Variants in CDH18 observed in about 807,000 individuals in gnomAD.
CDH18 encodes the protein cadherin 18, also known as cadherin-18.
CDH18 carries 31 observed loss-of-function variants against 67.9 expected under a neutral mutation model. The ratio of observed to expected loss-of-function variants is 0.46; its 90% CI spans 0.34 to 0.62. The LOEUF (loss-of-function observed/expected upper bound fraction) is 0.62, where lower values mean the gene tolerates loss of function less well. Ranked by LOEUF, CDH18 falls within the 20% of genes least tolerant of loss-of-function variation. CDH18 has a pLI of 0.01. For synonymous variants in CDH18, 362 were observed against 347.2 expected (o/e 1.04, Z -0.48); for missense variants, 890 against 975.5 (o/e 0.91, Z 1.17).
At chr5:20,368,734 A>G (rs559539562) in intron 1 of CDH18, among the ~76,000 whole-genome samples, 66 of 152,278 alleles carry the variant, frequency 4.3e-4, no homozygotes, top group South Asian at 1.2e-3. Flanking sequence ...CTGGCATTAG[A>G]GCACACAAAG....
intron 2 of CDH18, among the ~76,000 whole-genome samples, chr5:20,093,999 G>A (rs187504797): frequency 1.4e-4 from 22 of 152,238 alleles, no homozygotes; most frequent in Non-Finnish European, 2.1e-4. Context: ...AGAAACCACC[G>A]AAAGGCAGAC....
chr5:19,919,629 G>A (rs1258432212), intron 2 of CDH18, among the ~76,000 whole-genome samples: 1 of 152,152 alleles, frequency 6.6e-6, no homozygotes, highest in Non-Finnish European at 1.5e-5. Flanking sequence ...TATAAGGGTA[G>A]TAGATATGGA....
chr5:20,541,163 A>C (rs1216893462), intron 1 of CDH18, among the ~76,000 whole-genome samples: 3 of 152,208 alleles, frequency 2.0e-5, no homozygotes, highest in African/African-American at 7.2e-5. Context: ...ATTTATGGGG[A>C]AGATTTCAAC....
intron 2 of CDH18, among the ~76,000 whole-genome samples, chr5:19,995,082 T>C (rs1735896743): frequency 6.6e-6 from 1 of 151,460 alleles, no homozygotes; most frequent in South Asian, 2.1e-4. Context: ...TCTTCCTTTT[T>C]ATTCTACTCA....
rs544849157 is a variant in CDH18, at chr5:20,200,910, T to G, written c.-518+54534A>C. 2.0e-5 allele frequency among the ~76,000 whole-genome samples: 3 copies of G among 152,236 alleles called. No individual in the cohort carries two copies. In the South Asian group the frequency reaches 6.2e-4, roughly 32 times the overall value. On this transcript the variant is annotated intron_variant, in intron 2 of 14. Coordinates refer to the CDH18 transcript ENST00000507958. Reference sequence around the variant, plus strand: ...AATGGTTACAAGGGCCTTATTCAACTAAAAAATCACTCCTTTTTCATAATT... The same window carrying G: ...AATGGTTACAAGGGCCTTATTCAACGAAAAAATCACTCCTTTTTCATAATT...
intron 1 of CDH18, among the ~76,000 whole-genome samples, chr5:20,540,097 C>T (rs893605662): frequency 2.0e-5 from 3 of 152,062 alleles, no homozygotes; most frequent in African/African-American, 7.2e-5. Context: ...TTTGTTGTCT[C>T]AATTGTTTTG....
intron 8 of CDH18, among the ~76,000 whole-genome samples, chr5:19,555,518 T>G (rs1479833941): frequency 6.6e-6 from 1 of 152,126 alleles, no homozygotes; most frequent in Non-Finnish European, 1.5e-5. Flanking sequence ...CCCACTTCCC[T>G]GGTGAGCTAT....
chr5:19,830,941 A>G lies in CDH18; in HGVS notation c.228+7818T>C, dbSNP rs188574719. On this transcript the variant is annotated intron_variant, in intron 3 of 12. Coordinates refer to ENST00000382275, the MANE Select transcript of CDH18 (RefSeq NM_004934.5). The stretch of plus-strand genomic sequence containing the variant: ...GACACAAACTAACGCAGGAAGAGAA[A>G]ACCACATACTTCATGTTCTCATTTA... Among the ~76,000 whole-genome samples, 222 of 152,198 alleles carry G rather than the reference A, an allele frequency of 1.5e-3. 2 individuals are homozygous for G. The highest frequency in any genetic ancestry group is 4.8e-3 in the African/African-American group (198 of 41,530).
At chr5:20,101,260 C>A (rs912177151) in intron 2 of CDH18, among the ~76,000 whole-genome samples, 4 of 152,080 alleles carry the variant, frequency 2.6e-5, no homozygotes, top group Non-Finnish European at 5.9e-5. Context: ...CCACGCCTGG[C>A]CAAATCTAAG....
chr5:20,271,101 T>A (rs532519419), intron 1 of CDH18, among the ~76,000 whole-genome samples: 31 of 152,092 alleles, frequency 2.0e-4, no homozygotes, highest in African/African-American at 6.0e-4. Flanking sequence ...TTTGCCTATA[T>A]GACAAGCCTG....
intron 1 of CDH18, among the ~76,000 whole-genome samples, chr5:20,490,511 T>A (rs568491364): frequency 6.6e-6 from 1 of 152,182 alleles, no homozygotes; most frequent in Admixed American, 6.6e-5. Flanking sequence ...GTGATCAAAT[T>A]ATGAAGATAA....
At position 19,593,696 on chromosome 5, in the gene CDH18, T is replaced by TTCCTCCTCCTCCTCC. The variant is rs1436673465; in HGVS notation, c.812-2453_812-2452insGGAGGAGGAGGAGGA. 5.7e-3 allele frequency among the ~76,000 whole-genome samples: 96 copies of TTCCTCCTCCTCCTCC among 16,826 alleles called. 5 individuals are homozygous for TTCCTCCTCCTCCTCC. The highest frequency in any genetic ancestry group is 9.4e-3 in the African/African-American group (88 of 9,410). The allele number at this position is 16,826 out of a possible 152,430, so 11.0% of individuals were successfully genotyped here. ...CTTCTTCCTCCTCCTTCTCTTCCTCTTCCTCCTCCTCCTTCTTCTTCTTCT... is the reference window on the plus strand; with the variant it reads ...CTTCTTCCTCCTCCTTCTCTTCCTCTTCCTCCTCCTCCTCCTCCTCCTCCTCCTTCTTCTTCTTCT... On this transcript the variant is annotated intron_variant, in intron 6 of 12. Transcript: ENST00000382275.
At chr5:19,593,707 C>CCTCCTCCTCCTTCTTCTTCTTCTT in intron 6 of CDH18, among the ~76,000 whole-genome samples, 24 of 33,392 alleles carry the variant, frequency 7.2e-4, no homozygotes, top group African/African-American at 2.8e-3. Context: ...TCCTCCTCCT[C>CCTCCTCCTCCTTCTTCTTCTTCTT]CTTCTTCTTC....
chr5:20,081,773 A>G (rs1027102816), intron 2 of CDH18, among the ~76,000 whole-genome samples: 5 of 152,280 alleles, frequency 3.3e-5, no homozygotes, highest in Admixed American at 3.3e-4. Flanking sequence ...GAAGGAAACA[A>G]CAGACACTGG....
At chr5:20,215,722 C>A (rs1353250055) in intron 2 of CDH18, among the ~76,000 whole-genome samples, 1 of 151,794 alleles carries the variant, frequency 6.6e-6, no homozygotes, top group African/African-American at 2.4e-5. Context: ...ATGAAATCAA[C>A]CTAAATACCC....
intron 1 of CDH18, among the ~76,000 whole-genome samples, chr5:20,508,479 G>A (rs1754802684): frequency 6.6e-6 from 1 of 150,926 alleles, no homozygotes; most frequent in African/African-American, 2.4e-5. Flanking sequence ...GTATAATTAA[G>A]TAGAGTTTAT....
At chr5:19,608,048 C>G (rs993115547) in intron 6 of CDH18, among the ~76,000 whole-genome samples, 2 of 151,476 alleles carry the variant, frequency 1.3e-5, no homozygotes, top group African/African-American at 4.8e-5. Flanking sequence ...ATGGAAACAT[C>G]TAGTATCATC....
intron 4 of CDH18, among the ~76,000 whole-genome samples, chr5:19,736,858 A>G (rs1768404509): frequency 6.6e-6 from 1 of 152,226 alleles, no homozygotes; most frequent in South Asian, 2.1e-4. Flanking sequence ...AATAATATCC[A>G]AACTGGATTT....
chr5:19,763,212 C>T (rs1005849049), intron 3 of CDH18, among the ~76,000 whole-genome samples: 6 of 152,084 alleles, frequency 3.9e-5, no homozygotes, highest in African/African-American at 7.2e-5. Context: ...CAAACCTGCA[C>T]GTTGTGCACA....
Sources: gnomAD v4.1 joint callset for allele counts (sites outside exome capture counted in the v4.1 genomes callset) on GRCh38, gnomAD v4.1.1 for gene constraint, MANE v1.5 for transcripts, NCBI Gene and HGNC (gene_info 2026-07-23, HGNC 2026-07-21) for gene names.